The following CCDC178 variants were observed in gnomAD, a reference collection of about 807,000 sequenced individuals.
CCDC178 encodes coiled-coil domain containing 178, also known as coiled-coil domain-containing protein 178.
Under a neutral mutation model 117.4 loss-of-function variants are expected in CCDC178, and 126 were observed. The observed-to-expected ratio is 1.07, with a 90% CI of 0.93 to 1.24. CCDC178 has a LOEUF of 1.24. Among genes scored for constraint, CCDC178 ranks in the 50% most tolerant of loss-of-function variants. The probability of loss-of-function intolerance (pLI) is 0.00; values close to 1 mark genes in which losing one functional copy is unlikely to be tolerated. For missense variants in CCDC178, 1,030 were observed against 986.9 expected, an observed-to-expected ratio of 1.04 and a Z score of -0.59; for synonymous variants, 283 against 313.4, an observed-to-expected ratio of 0.90 and a Z score of 1.02.
At chr18:33,118,988 T>C (rs1598902123) in intron 20 of CCDC178, among the ~76,000 whole-genome samples, 2 of 152,248 alleles carry the variant, frequency 1.3e-5, no homozygotes, top group South Asian at 2.1e-4. Flanking sequence ...TAGCCATATG[T>C]AGAAAGCTGA....
At chr18:33,328,988 T>A (rs1406043511) in intron 10 of CCDC178, among the ~76,000 whole-genome samples, 1 of 152,162 alleles carries the variant, frequency 6.6e-6, no homozygotes, top group East Asian at 1.9e-4. Flanking sequence ...AGCAAAATAT[T>A]ATAGTTTTTG....
chr18:33,378,504 C>T (rs150847712), intron 5 of CCDC178, among the ~76,000 whole-genome samples: 1 of 152,210 alleles, frequency 6.6e-6, no homozygotes, highest in Non-Finnish European at 1.5e-5. Context: ...TGGGCATGCT[C>T]ATCTTCTTCC....
intron 9 of CCDC178, among the ~76,000 whole-genome samples, chr18:33,335,475 G>T (rs1448643899): frequency 6.6e-6 from 1 of 151,826 alleles, no homozygotes; most frequent in African/African-American, 2.4e-5. Flanking sequence ...CTTCCATGAA[G>T]ATCTTCTATT....
intron 20 of CCDC178, among the ~76,000 whole-genome samples, chr18:33,196,042 G>T (rs1255554242): frequency 6.6e-6 from 1 of 152,178 alleles, no homozygotes; most frequent in Non-Finnish European, 1.5e-5. Context: ...TGGGGGCTTT[G>T]CTGCTAGACA....
At chr18:33,360,340 G>C (rs1026509074) in intron 6 of CCDC178, among the ~76,000 whole-genome samples, 81 of 150,916 alleles carry the variant, frequency 5.4e-4, no homozygotes, top group African/African-American at 1.9e-3. Context: ...AGACAAAGGG[G>C]AACAACCCAA....
At chr18:33,306,404 T>C (rs2062248802) in intron 11 of CCDC178, among the ~76,000 whole-genome samples, 1 of 117,066 alleles carries the variant, frequency 8.5e-6, no homozygotes, top group Admixed American at 9.9e-5. Flanking sequence ...GTAACAGCTA[T>C]TGGATCTTTG....
chr18:33,310,229 G>A (rs906208771), intron 11 of CCDC178, among the ~76,000 whole-genome samples: 2 of 152,124 alleles, frequency 1.3e-5, no homozygotes, highest in African/African-American at 4.8e-5. Flanking sequence ...AAAATGCTGG[G>A]ATTACAGGTG....
intron 20 of CCDC178, among the ~76,000 whole-genome samples, chr18:33,123,041 C>T (rs1019487918): frequency 3.9e-4 from 59 of 152,224 alleles, no homozygotes; most frequent in African/African-American, 9.9e-4. Flanking sequence ...CCAGATATTT[C>T]GCTGTCAGCA....
intron 22 of CCDC178, among the ~76,000 whole-genome samples, chr18:32,962,906 C>T (rs373523955): frequency 6.6e-6 from 1 of 152,128 alleles, no homozygotes; most frequent in Non-Finnish European, 1.5e-5. Flanking sequence ...TTTTAGCACT[C>T]GGTTTGGTAA....
At chr18:33,305,035 A>T (rs1356258466) in intron 11 of CCDC178, among the ~76,000 whole-genome samples, 3 of 152,014 alleles carry the variant, frequency 2.0e-5, no homozygotes, top group Non-Finnish European at 4.4e-5. Context: ...ACTGCTTGAC[A>T]CTCACTTTTG....
At chr18:33,339,512 T>C (rs1212693721) in intron 9 of CCDC178, among the ~76,000 whole-genome samples, 1 of 150,850 alleles carries the variant, frequency 6.6e-6, no homozygotes. Flanking sequence ...CTTCAGAAGA[T>C]ATAAATTACT....
intron 20 of CCDC178, among the ~76,000 whole-genome samples, chr18:33,127,888 T>C (rs2058027504): frequency 6.6e-6 from 1 of 152,072 alleles, no homozygotes; most frequent in Admixed American, 6.5e-5. Flanking sequence ...TATCTCTGGA[T>C]GAAGGATTTG....
chr18:33,187,578 T>C (rs1361793095), intron 20 of CCDC178, among the ~76,000 whole-genome samples: 1 of 152,080 alleles, frequency 6.6e-6, no homozygotes, highest in African/African-American at 2.4e-5. Context: ...ATGCACCACA[T>C]ACATCAAAAT....
intron 11 of CCDC178, among the ~76,000 whole-genome samples, chr18:33,298,006 A>G (rs916023245): frequency 1.3e-5 from 2 of 151,400 alleles, no homozygotes; most frequent in African/African-American, 2.4e-5. Context: ...TGCACACTGC[A>G]CTCCAGCCTG....
At chr18:33,260,765 T>C (rs1568096513) in intron 14 of CCDC178, among the ~76,000 whole-genome samples, 1 of 152,148 alleles carries the variant, frequency 6.6e-6, no homozygotes. Flanking sequence ...GTTTGTTAGA[T>C]AGGTAGAGGT....
rs1294614461 is a variant in CCDC178, at chr18:33,212,041, G to GTT, written c.2091_2092dup (p.Thr698LysfsTer3). On this transcript the variant is annotated frameshift_variant, in exon 20 of 23. Coordinates refer to ENST00000383096, the MANE Select transcript of CCDC178 (RefSeq NM_001105528.4). LOFTEE classifies it high-confidence loss of function. ...TGCATGTTCCCTTTTAAATCTCATA[G>GTT]TTATAAATTTGTTCCTGTGAAGAAA... is the stretch of plus-strand genomic sequence containing the variant. 1 of 1,576,152 alleles carries GTT rather than the reference G, an allele frequency of 6.3e-7. No individual in the cohort carries two copies. The highest frequency in any genetic ancestry group is 1.4e-5 in the African/African-American group (1 of 72,310).
At chr18:33,065,652 T>G (rs1202060808) in intron 21 of CCDC178, among the ~76,000 whole-genome samples, 1 of 152,036 alleles carries the variant, frequency 6.6e-6, no homozygotes, top group African/African-American at 2.4e-5. Flanking sequence ...CTGGCAACAA[T>G]GAGACAAAGA....
At chr18:33,419,994 G>T (rs900837213) in intron 2 of CCDC178, among the ~76,000 whole-genome samples, 3 of 151,126 alleles carry the variant, frequency 2.0e-5, no homozygotes, top group East Asian at 3.9e-4. Flanking sequence ...ACATGTACAC[G>T]TATGTTCATT....
intron 20 of CCDC178, among the ~76,000 whole-genome samples, chr18:33,097,815 C>T (rs1369787471): frequency 1.3e-5 from 2 of 152,062 alleles, no homozygotes; most frequent in Non-Finnish European, 2.9e-5. Flanking sequence ...AAACAGGCCA[C>T]TTATGGAAAT....
Sources: gnomAD v4.1 joint callset for allele counts (sites outside exome capture counted in the v4.1 genomes callset) on GRCh38, gnomAD v4.1.1 for gene constraint, MANE v1.5 for transcripts, NCBI Gene and HGNC (gene_info 2026-07-23, HGNC 2026-07-21) for gene names.